Variants in CADPS2 observed in about 807,000 individuals in gnomAD.
The protein encoded by CADPS2 is calcium dependent secretion activator 2, also known as calcium-dependent secretion activator 2.
A neutral mutation model predicts 172.5 loss-of-function variants in CADPS2; 93 were observed. The ratio of observed to expected loss-of-function variants is 0.54; its 90% CI spans 0.46 to 0.64. CADPS2 has a LOEUF of 0.64. CADPS2 is among the 30% of genes least tolerant of loss of function. The pLI is 0.00. For synonymous variants in CADPS2, 546 were observed against 555.2 expected (o/e 0.98, Z 0.23); for missense variants, 1,420 against 1,565.9 (o/e 0.91, Z 1.57).
At chr7:122,516,192 C>T (rs1048956206) in intron 8 of CADPS2, among the ~76,000 whole-genome samples, 2 of 152,064 alleles carry the variant, frequency 1.3e-5, no homozygotes. Flanking sequence ...TATCTAGCTG[C>T]TATTTCACTG....
intron 19 of CADPS2, among the ~76,000 whole-genome samples, chr7:122,410,116 G>GGCA (rs1234088216): frequency 6.6e-6 from 1 of 152,106 alleles, no homozygotes; most frequent in Non-Finnish European, 1.5e-5. Flanking sequence ...GGCAGAGGAG[G>GGCA]GCAGATTACC....
At chr7:122,626,956 G>A (rs12670792) in intron 4 of CADPS2, among the ~76,000 whole-genome samples, 3 of 152,162 alleles carry the variant, frequency 2.0e-5, no homozygotes, top group East Asian at 1.9e-4. Flanking sequence ...TTGAAACAGA[G>A]ATTTTGCCCT....
chr7:122,802,420 G>A (rs558361757), intron 1 of CADPS2, among the ~76,000 whole-genome samples: 9 of 152,088 alleles, frequency 5.9e-5, no homozygotes, highest in African/African-American at 1.7e-4. Flanking sequence ...TTCGGTAATC[G>A]CTGGTCAGTC....
chr7:122,616,849 A>G (rs1298694948), intron 5 of CADPS2, among the ~76,000 whole-genome samples: 1 of 152,182 alleles, frequency 6.6e-6, no homozygotes, highest in East Asian at 1.9e-4. Context: ...ATACAAAATG[A>G]AACCAGAAGC....
At chr7:122,471,698 T>G in intron 13 of CADPS2, 136 bp from the exon 14 acceptor site, 1 of 729,210 alleles carries the variant, frequency 1.4e-6, no homozygotes, top group Non-Finnish European at 2.1e-6. Context: ...AGTGGTATGT[T>G]TCATGAAGAG....
intron 28 of CADPS2, among the ~76,000 whole-genome samples, chr7:122,344,963 T>C (rs2037341510): frequency 6.6e-6 from 1 of 152,136 alleles, no homozygotes; most frequent in South Asian, 2.1e-4. Context: ...AAAAAACTTC[T>C]ACCTTTATAA....
intron 1 of CADPS2, among the ~76,000 whole-genome samples, chr7:122,783,733 G>T (rs62483612): frequency 9.2e-5 from 14 of 152,146 alleles, no homozygotes; most frequent in Non-Finnish European, 1.9e-4. Context: ...TGACATTGTG[G>T]ACTTTCCGAG....
intron 2 of CADPS2, among the ~76,000 whole-genome samples, chr7:122,730,787 A>G (rs892250343): frequency 2.6e-4 from 40 of 151,618 alleles, no homozygotes; most frequent in Non-Finnish European, 5.2e-4. Context: ...GATGACAAAA[A>G]CATTTCTTAT....
chr7:122,721,131 C>T (rs2090342236), intron 2 of CADPS2, among the ~76,000 whole-genome samples: 1 of 151,926 alleles, frequency 6.6e-6, no homozygotes, highest in Non-Finnish European at 1.5e-5. Context: ...TCATTGTCTT[C>T]AGTACCCCAC....
chr7:122,690,523 G>A (rs1210718832), intron 2 of CADPS2, among the ~76,000 whole-genome samples: 1 of 152,200 alleles, frequency 6.6e-6, no homozygotes, highest in South Asian at 2.1e-4. Flanking sequence ...GCAATGAGGG[G>A]CTTGGAGGGT....
At chr7:122,392,498 G>A (rs2044506797) in intron 22 of CADPS2, among the ~76,000 whole-genome samples, 1 of 151,882 alleles carries the variant, frequency 6.6e-6, no homozygotes, top group Non-Finnish European at 1.5e-5. Flanking sequence ...AATAAGCTAA[G>A]ATCTAAATTC....
At chr7:122,539,748 T>TGTCTCTCTCTCC (rs1563639507) in intron 8 of CADPS2, among the ~76,000 whole-genome samples, 2 of 115,776 alleles carry the variant, frequency 1.7e-5, no homozygotes, top group African/African-American at 7.2e-5. Flanking sequence ...TCCCTCTCTC[T>TGTCTCTCTCTCC]CTGTCTCTCT....
At chr7:122,617,227 C>T (rs952531064) in intron 5 of CADPS2, among the ~76,000 whole-genome samples, 7 of 152,152 alleles carry the variant, frequency 4.6e-5, no homozygotes, top group South Asian at 4.1e-4. Context: ...GTGCTGGGAA[C>T]GTTTTACCCT....
Position 122,621,506 on chromosome 7 carries a change from T to C in CADPS2, c.1079A>G (p.Asp360Gly), listed in dbSNP as rs1401900094. ...DENEIQLSKS[D>G]VVLSFTLEIV... ...CTCTAAGGTGAATGACAGTACCACG[T>C]CGGACTTTGACAGCTGAATCTCATT... Residue 360 changes from aspartate (D) to glycine (G), a missense_variant, in exon 5 of 30, where the codon GAC becomes GGC. Asp to Gly is a moderately conservative substitution (Grantham distance 94). Coordinates refer to ENST00000449022, the MANE Select transcript of CADPS2 (RefSeq NM_017954.11). The C allele has an allele frequency of 1.2e-5, 20 of 1,613,402 alleles. No homozygotes were observed. The highest frequency in any genetic ancestry group is 1.7e-5 in the Non-Finnish European group (20 of 1,179,420).
At chr7:122,480,121 G>A (rs1296036502) in intron 12 of CADPS2, 1 of 471,050 alleles carries the variant, frequency 2.1e-6, no homozygotes, top group Admixed American at 2.4e-5. Context: ...GAAAAAATTG[G>A]TTACCAGCCT....
intron 1 of CADPS2, among the ~76,000 whole-genome samples, chr7:122,738,821 A>G (rs2092319353): frequency 6.6e-6 from 1 of 151,452 alleles, no homozygotes; most frequent in African/African-American, 2.4e-5. Flanking sequence ...ATTTAAAAAA[A>G]ATTAAAAAGT....
At chr7:122,656,506 A>G (rs2079813585) in intron 3 of CADPS2, among the ~76,000 whole-genome samples, 1 of 152,176 alleles carries the variant, frequency 6.6e-6, no homozygotes, top group South Asian at 2.1e-4. Flanking sequence ...GAGAATGAAG[A>G]ATATGGTAGT....
chr7:122,487,311 A>G (rs1478153385), intron 11 of CADPS2, among the ~76,000 whole-genome samples: 7 of 152,080 alleles, frequency 4.6e-5, no homozygotes, highest in Non-Finnish European at 8.8e-5. Context: ...GCGCCGGCCA[A>G]ACATAACTTT....
At chr7:122,794,460 A>T (rs1795937071) in intron 1 of CADPS2, among the ~76,000 whole-genome samples, 1 of 152,098 alleles carries the variant, frequency 6.6e-6, no homozygotes, top group Admixed American at 6.6e-5. Context: ...CAAGTTGTTT[A>T]CATTCTTTTC....
Sources: gnomAD v4.1 joint callset for allele counts (sites outside exome capture counted in the v4.1 genomes callset) on GRCh38, gnomAD v4.1.1 for gene constraint, MANE v1.5 for transcripts, NCBI Gene and HGNC (gene_info 2026-07-23, HGNC 2026-07-21) for gene names.